SCART1: variants seen among roughly 807,000 people sequenced by gnomAD.
SCART1 encodes scavenger receptor family member expressed on T cells 1.
In SCART1, 62 loss-of-function variants were observed where a neutral mutation model predicts 36.2. The observed-to-expected ratio is 1.71, with a 90% CI of 1.40 to 2.12. The LOEUF (loss-of-function observed/expected upper bound fraction) is 2.12. SCART1 is among the 30% of genes most tolerant of loss of function. SCART1 has a pLI of 0.00. For synonymous variants in SCART1, 487 were observed against 238.7 expected, an observed-to-expected ratio of 2.04 and a Z score of -9.59; for missense variants, 1,041 against 540.5, an observed-to-expected ratio of 1.93 and a Z score of -9.18.
chr10:133,457,381 A>C (rs1850631770), exon 3 of SCART1: 1 of 701,870 alleles, frequency 1.4e-6, no homozygotes, highest in Admixed American at 2.0e-5. Flanking sequence ...TGTGTCCTGC[A>C]TGTGGAGGAG....
At chr10:133,454,058 C>G (rs1414525361) in exon 1 of SCART1, 2 of 702,826 alleles carry the variant, frequency 2.8e-6, no homozygotes, top group Non-Finnish European at 5.2e-6. Flanking sequence ...CTGGGCAGTC[C>G]CCATTGGTAA....
intron 6 of SCART1, among the ~76,000 whole-genome samples, chr10:133,460,691 G>T (rs927359662): frequency 4.6e-5 from 7 of 151,312 alleles, no homozygotes; most frequent in African/African-American, 1.7e-4. Flanking sequence ...GTGAGGCACT[G>T]CCGCTGGCTT....
chr10:133,456,429 T>C, exon 2 of SCART1: 1 of 702,792 alleles, frequency 1.4e-6, no homozygotes. Flanking sequence ...CCTGGAGAGA[T>C]GGCCCAGCCC....
Position 133,456,560 on chromosome 10 carries a change from T to C in SCART1, c.385+6T>C. The C allele has an allele frequency of 1.5e-6, 1 of 647,368 alleles. No individual in the cohort carries two copies. The highest frequency in any genetic ancestry group is 2.8e-6 in the Non-Finnish European group (1 of 355,474). 40.1% of individuals were successfully genotyped at this position (647,368 alleles called of 1,614,324 possible). A position where few individuals can be genotyped will look rare whatever the true frequency, so the allele number is the denominator to read the frequency against. Reference sequence around the variant, plus strand: ...GGTGGTCGCGCTGTGCTCCAGTAAGTAGGGAGGAGTGAAGGGGACGGGGCT... The same window carrying C: ...GGTGGTCGCGCTGTGCTCCAGTAAGCAGGGAGGAGTGAAGGGGACGGGGCT... On this transcript the variant is annotated splice_donor_region_variant and intron_variant, in intron 2 of 11. Transcript: ENST00000640237.
At chr10:133,460,204 G>T (rs530426855) in intron 6 of SCART1, 34 bp downstream of exon 6, 29 of 457,870 alleles carry the variant, frequency 6.3e-5, no homozygotes, top group African/African-American at 5.1e-4. Context: ...TGATCATGCT[G>T]TTTTATTACG....
At position 133,467,191 on chromosome 10, in the gene SCART1, G is replaced by T. The variant is rs1358368116; in HGVS notation, c.2807-7G>T. The stretch of plus-strand genomic sequence containing the variant: ...GCCTGTGTGTGACCATGCTCACCTT[G>T]CCTCAGGTCTGGGAAGATCCGAGGT... On this transcript the variant is annotated splice_region_variant and splice_polypyrimidine_tract_variant and intron_variant, in intron 10 of 11. Transcript: ENST00000640237. 2.9e-6 allele frequency: 2 copies of T among 691,388 alleles called. No homozygotes were observed. The highest frequency in any genetic ancestry group is 5.3e-6 in the Non-Finnish European group (2 of 378,880). The allele number at this position is 691,388 out of a possible 1,614,324, so 42.8% of individuals were successfully genotyped here. A position where few individuals can be genotyped will look rare whatever the true frequency, so the allele number is the denominator to read the frequency against.
chr10:133,456,423 G>T (rs1445486588), exon 2 of SCART1: 1 of 702,892 alleles, frequency 1.4e-6, no homozygotes, highest in East Asian at 2.7e-5. Flanking sequence ...CCGCTGCCTG[G>T]AGAGATGGCC....
At chr10:133,468,076 G>T (rs1054390143) in exon 12 of SCART1, 1 of 589,762 alleles carries the variant, frequency 1.7e-6, no homozygotes, top group Admixed American at 2.5e-5. Flanking sequence ...CCTTTCTCTT[G>T]CAATGTCCTC....
chr10:133,466,055 C>T, intron 9 of SCART1, 180 bp from the exon 10 acceptor site: 1 of 636,156 alleles, frequency 1.6e-6, no homozygotes, highest in South Asian at 1.8e-5. Context: ...CCCCAGTGGA[C>T]ACTAGCCATT....
At chr10:133,458,104 A>C in intron 3 of SCART1, 1 of 680,606 alleles carries the variant, frequency 1.5e-6, no homozygotes, top group Non-Finnish European at 2.7e-6. Context: ...TCGGACAGGC[A>C]GAGGCTGTGA....
chr10:133,466,104 C>G, intron 9 of SCART1, 131 bp from the exon 10 acceptor site: 1 of 629,310 alleles, frequency 1.6e-6, no homozygotes, highest in South Asian at 1.9e-5. Flanking sequence ...CAGATGCCCC[C>G]CCAGCACTTC....
rs1277004893 is a variant in SCART1, at chr10:133,459,832, C to T, written c.1631C>T (p.Ala544Val). ...GAGGTCGGAACCGCGTCCCCCATGG[C>T]CCGTCGCCACGGGATCCCGGGCGCC... The change falls in exon 6 of 12, where the codon GCC becomes GTC. Residue 544 changes from alanine to valine, a missense_variant. Coordinates refer to ENST00000640237, the Ensembl canonical transcript of SCART1. The T allele has an allele frequency of 1.4e-5, 8 of 576,898 alleles. No individual in the cohort carries two copies. In the East Asian group the frequency reaches 2.6e-4, roughly 19 times the overall value. 35.7% of individuals were successfully genotyped at this position (576,898 alleles called of 1,614,324 possible). A position where few individuals can be genotyped will look rare whatever the true frequency, so the allele number is the denominator to read the frequency against.
chr10:133,453,972 G>A, exon 1 of SCART1: 1 of 702,972 alleles, frequency 1.4e-6, no homozygotes, highest in Non-Finnish European at 2.6e-6. Context: ...GCGAGAGCTT[G>A]CTGAAGCCCA....
chr10:133,461,544 G>T (rs946427255), intron 6 of SCART1, among the ~76,000 whole-genome samples: 1 of 152,076 alleles, frequency 6.6e-6, no homozygotes, highest in African/African-American at 2.4e-5. Context: ...ATTAATTTTG[G>T]CATGACTCTT....
chr10:133,461,195 C>T (rs1850697618), intron 6 of SCART1, among the ~76,000 whole-genome samples: 1 of 152,086 alleles, frequency 6.6e-6, no homozygotes, highest in African/African-American at 2.4e-5. Context: ...CTGGAGAAGC[C>T]TGTGAGTGGG....
exon 5 of SCART1, chr10:133,459,025 C>G (rs767005796): frequency 1.5e-6 from 1 of 687,624 alleles, no homozygotes; most frequent in South Asian, 1.5e-5. Context: ...CCCCAGAGTT[C>G]AGGATGGTCA....
chr10:133,464,959 T>C (rs1246886279), intron 7 of SCART1, 48 bp downstream of exon 7: 1 of 702,688 alleles, frequency 1.4e-6, no homozygotes, highest in Admixed American at 2.0e-5. Flanking sequence ...TGGGGGTGCC[T>C]GGGAAGAGGT....
At chr10:133,465,033 A>T (rs939987502) in intron 7 of SCART1, 73 bp from the exon 8 acceptor site, 1 of 701,112 alleles carries the variant, frequency 1.4e-6, no homozygotes, top group African/African-American at 1.7e-5. Flanking sequence ...CCTGGGGGTC[A>T]CTAGGATCCA....
exon 12 of SCART1, chr10:133,467,862 C>T: frequency 1.5e-6 from 1 of 688,310 alleles, no homozygotes; most frequent in Non-Finnish European, 2.7e-6. Flanking sequence ...GGGGAGGTGT[C>T]TAACCTCCTG....
Sources: allele counts gnomAD v4.1 joint callset (sites outside exome capture counted in the v4.1 genomes callset), GRCh38; gene constraint gnomAD v4.1.1; transcripts MANE v1.5; gene names NCBI Gene and HGNC (gene_info 2026-07-23, HGNC 2026-07-21).